The following TMEM131 variants were observed in gnomAD, a reference collection of about 807,000 sequenced individuals.
The protein encoded by TMEM131 is transmembrane protein 131.
A neutral mutation model predicts 211.6 loss-of-function variants in TMEM131; 66 were observed. The observed-to-expected ratio is 0.31, with a 90% confidence interval of 0.26 to 0.38. The LOEUF is 0.38. Among genes scored for constraint, TMEM131 ranks in the 10% least tolerant of loss-of-function variants. The probability of loss-of-function intolerance (pLI) is 1.00; values close to 1 mark genes in which losing one functional copy is unlikely to be tolerated. For missense variants in TMEM131, 2,036 were observed against 2,299.3 expected, an observed-to-expected ratio of 0.89 and a Z score of 2.34; for synonymous variants, 844 against 841.3, an observed-to-expected ratio of 1.00 and a Z score of -0.06.
intron 3 of TMEM131, among the ~76,000 whole-genome samples, chr2:97,892,903 T>C (rs1446093674): frequency 6.6e-6 from 1 of 151,450 alleles, no homozygotes; most frequent in African/African-American, 2.4e-5. Flanking sequence ...TGAAAAAGAC[T>C]TTTTTTTAAT....
intron 4 of TMEM131, among the ~76,000 whole-genome samples, chr2:97,877,765 C>T (rs1179597494): frequency 6.6e-6 from 1 of 152,058 alleles, no homozygotes; most frequent in Non-Finnish European, 1.5e-5. Context: ...AGAAGAAAAC[C>T]TGGGGAATAC....
At chr2:97,880,708 T>C (rs1322641295) in intron 4 of TMEM131, among the ~76,000 whole-genome samples, 1 of 151,936 alleles carries the variant, frequency 6.6e-6, no homozygotes, top group East Asian at 1.9e-4. Context: ...TGAGGGGGGA[T>C]GACAGAGATT....
In TMEM131 at chr2:97,793,722, C is replaced by T. The variant is rs535250066; in HGVS notation, c.3387-169G>A. 5.0e-4 allele frequency among the ~76,000 whole-genome samples: 76 copies of T among 151,994 alleles called. 1 individual carries two copies. The Middle Eastern group carries it at 0.01, about 20-fold the overall frequency. On this transcript the variant is annotated intron_variant, in intron 29 of 40. Transcript: ENST00000186436. ...CAAAACCCACAGTTTTGGCTGGGCA[C>T]GGTAGCTCATGCCTATAATCCCAGC...
At chr2:97,836,357 G>A (rs990321256) in intron 8 of TMEM131, among the ~76,000 whole-genome samples, 1 of 152,174 alleles carries the variant, frequency 6.6e-6, no homozygotes, top group African/African-American at 2.4e-5. Context: ...CTTACTCCTG[G>A]TTGTAAAATT....
intron 4 of TMEM131, among the ~76,000 whole-genome samples, chr2:97,868,947 C>T (rs1214732646): frequency 6.6e-6 from 1 of 152,136 alleles, no homozygotes; most frequent in Non-Finnish European, 1.5e-5. Flanking sequence ...CCTCAAACTA[C>T]AGCCACGATA....
Position 97,797,392 on chromosome 2 carries a change from C to A in TMEM131, c.2843G>T (p.Arg948Ile). ...GACTATGATAAGTGAAGAAACAGTT[C>A]TGTTGTGAACTGGAGTAAACTTTAC... Reference protein sequence around the residue: ...VKVKFTPVHNRTVSSLIIVRN... With the variant: ...VKVKFTPVHNITVSSLIIVRN... Residue 948 changes from arginine to isoleucine, a missense_variant, in exon 26 of 41, where the codon AGA becomes ATA. By Grantham distance (97) the Arg-to-Ile change is moderately conservative (BLOSUM62 -3). Transcript: ENST00000186436. 1 of 1,610,164 alleles carries A rather than the reference C, an allele frequency of 6.2e-7. No individual in the cohort carries two copies. Among genetic ancestry groups the A allele is most frequent in the South Asian group, 1.1e-5 (1 of 90,606 alleles).
At chr2:97,907,499 T>C (rs1399675447) in intron 3 of TMEM131, among the ~76,000 whole-genome samples, 3 of 152,166 alleles carry the variant, frequency 2.0e-5, no homozygotes, top group East Asian at 1.9e-4. Flanking sequence ...CATTCATAGA[T>C]GTACTTTAAA....
intron 4 of TMEM131, among the ~76,000 whole-genome samples, chr2:97,878,421 T>G (rs1166333819): frequency 6.6e-6 from 1 of 152,174 alleles, no homozygotes; most frequent in Non-Finnish European, 1.5e-5. Flanking sequence ...TGTGGCACTA[T>G]TCACAATAGC....
chr2:97,932,274 G>A (rs1322504618), intron 1 of TMEM131, among the ~76,000 whole-genome samples: 1 of 152,086 alleles, frequency 6.6e-6, no homozygotes, highest in Non-Finnish European at 1.5e-5. Context: ...AAAACATCCT[G>A]GACTAGGTCC....
At chr2:97,928,562 A>C (rs1677084786) in intron 1 of TMEM131, among the ~76,000 whole-genome samples, 1 of 151,862 alleles carries the variant, frequency 6.6e-6, no homozygotes, top group African/African-American at 2.4e-5. Context: ...AAATGAATGA[A>C]TCAACCTTAC....
intron 5 of TMEM131, among the ~76,000 whole-genome samples, chr2:97,852,863 C>T (rs942586246): frequency 1.3e-5 from 2 of 152,216 alleles, no homozygotes; most frequent in Non-Finnish European, 2.9e-5. Context: ...GAAGCCAGTG[C>T]TCATCTGCCA....
chr2:97,827,281 G>A (rs1156667947), intron 11 of TMEM131: 28 of 782,034 alleles, frequency 3.6e-5, no homozygotes, highest in Non-Finnish European at 5.7e-5. Context: ...CGCTGAAGCC[G>A]CTGCCAAGGA....
chr2:97,852,572 G>T (rs529521943), intron 5 of TMEM131, among the ~76,000 whole-genome samples: 1 of 152,302 alleles, frequency 6.6e-6, no homozygotes, highest in East Asian at 1.9e-4. Flanking sequence ...AAGCTAAAAG[G>T]GATCGATTCA....
chr2:97,995,065 T>A (rs369964250), intron 1 of TMEM131, among the ~76,000 whole-genome samples: 1 of 152,214 alleles, frequency 6.6e-6, no homozygotes, highest in Non-Finnish European at 1.5e-5. Context: ...CAAAGTGAAA[T>A]TTTTTAAGCT....
chr2:97,832,507 G>A (rs954205246), intron 11 of TMEM131, among the ~76,000 whole-genome samples: 1 of 152,130 alleles, frequency 6.6e-6, no homozygotes, highest in Non-Finnish European at 1.5e-5. Context: ...CCTCGCTGGG[G>A]TTTGTATATT....
At chr2:97,837,845 C>G (rs1435530133) in intron 7 of TMEM131, among the ~76,000 whole-genome samples, 1 of 152,150 alleles carries the variant, frequency 6.6e-6, no homozygotes, top group Non-Finnish European at 1.5e-5. Flanking sequence ...CCATTATCCC[C>G]AAAAGCTTCC....
intron 1 of TMEM131, among the ~76,000 whole-genome samples, chr2:97,931,302 C>T (rs1429143421): frequency 6.7e-6 from 1 of 150,016 alleles, no homozygotes; most frequent in Non-Finnish European, 1.5e-5. Flanking sequence ...CTGTGAGTAA[C>T]AAAGCCATTT....
intron 4 of TMEM131, among the ~76,000 whole-genome samples, chr2:97,859,991 G>A (rs1038380220): frequency 3.3e-5 from 5 of 152,222 alleles, no homozygotes; most frequent in Non-Finnish European, 5.9e-5. Flanking sequence ...CGCCAGTACT[G>A]AACTGCCTCT....
chr2:97,811,631 G>C (rs1172226855), intron 17 of TMEM131, among the ~76,000 whole-genome samples: 5 of 152,198 alleles, frequency 3.3e-5, no homozygotes, highest in Non-Finnish European at 7.3e-5. Context: ...ATGTCACTCT[G>C]TAATGTTAAT....
Sources: gnomAD v4.1 joint callset for allele counts (sites outside exome capture counted in the v4.1 genomes callset) on GRCh38, gnomAD v4.1.1 for gene constraint, MANE v1.5 for transcripts, NCBI Gene and HGNC (gene_info 2026-07-23, HGNC 2026-07-21) for gene names.